The following SGCD variants were observed in gnomAD, a reference collection of about 807,000 sequenced individuals.
SGCD encodes sarcoglycan delta, also known as delta-sarcoglycan.
In SGCD, 18 loss-of-function variants were observed where a neutral mutation model predicts 36.6. The observed-to-expected ratio is 0.49, with a 90% CI of 0.34 to 0.73. SGCD has a LOEUF of 0.73. Among genes scored for constraint, SGCD ranks in the 30% least tolerant of loss-of-function variants. The pLI, the probability that SGCD is intolerant of heterozygous loss-of-function variation, is 0.01. For missense variants in SGCD, 387 were observed against 346.7 expected (o/e 1.12, Z -0.92); for synonymous variants, 133 against 130.6 (o/e 1.02, Z -0.12).
At chr5:156,229,297 T>TAA (rs757678815) in intron 3 of SGCD, among the ~76,000 whole-genome samples, 4 of 119,880 alleles carry the variant, frequency 3.3e-5, no homozygotes, top group Non-Finnish European at 5.1e-5. Context: ...TATATATATA[T>TAA]ATAAAATTAG....
intron 1 of SGCD, among the ~76,000 whole-genome samples, chr5:156,090,801 A>G (rs1231004893): frequency 6.6e-6 from 1 of 152,124 alleles, no homozygotes; most frequent in Non-Finnish European, 1.5e-5. Context: ...TTCCTTCCCC[A>G]GGGTTATCAA....
intron 3 of SGCD, among the ~76,000 whole-genome samples, chr5:156,208,972 C>T (rs137978715): frequency 7.5e-4 from 114 of 152,278 alleles, no homozygotes; most frequent in East Asian, 4.2e-3. Flanking sequence ...CATCACTCTT[C>T]TTCCAAAATC....
intron 1 of SGCD, among the ~76,000 whole-genome samples, chr5:156,100,964 G>A (rs1761504010): frequency 6.6e-6 from 1 of 152,092 alleles, no homozygotes; most frequent in Non-Finnish European, 1.5e-5. Context: ...ATTTGGAGGT[G>A]GGGACTCTGG....
upstream of SGCD, among the ~76,000 whole-genome samples, chr5:156,323,173 T>A (rs1470920279): frequency 2.6e-5 from 4 of 152,202 alleles, no homozygotes; most frequent in African/African-American, 9.6e-5. Flanking sequence ...GACTCCAGGT[T>A]ACTACCTCCA....
At chr5:155,778,606 C>G in the SGCD span, among the ~76,000 whole-genome samples, 2 of 124,924 alleles carry the variant, frequency 1.6e-5, no homozygotes, top group South Asian at 2.9e-4. Flanking sequence ...GGTTATAAGG[C>G]TACACGTTTA....
chr5:156,550,782 A>T (rs1422036775), intron 4 of SGCD, among the ~76,000 whole-genome samples: 5 of 152,240 alleles, frequency 3.3e-5, no homozygotes, highest in African/African-American at 1.2e-4. Context: ...TGTGCACAAA[A>T]GAAAGTCATT....
intron 4 of SGCD, among the ~76,000 whole-genome samples, chr5:156,527,794 C>A (rs913065497): frequency 6.6e-6 from 1 of 152,146 alleles, no homozygotes; most frequent in Non-Finnish European, 1.5e-5. Flanking sequence ...GTTGTCCTAC[C>A]CAACCAATCT....
chr5:156,388,586 A>C (rs1163013181), intron 3 of SGCD, among the ~76,000 whole-genome samples: 1 of 152,216 alleles, frequency 6.6e-6, no homozygotes, highest in Non-Finnish European at 1.5e-5. Context: ...GGCAGTCTGA[A>C]GACCCCAAAG....
At chr5:155,931,069 T>C (rs1359990018) in intron 1 of SGCD, among the ~76,000 whole-genome samples, 2 of 152,106 alleles carry the variant, frequency 1.3e-5, no homozygotes, top group South Asian at 2.1e-4. Context: ...GTTGCATGGG[T>C]TTTTTAATAT....
At chr5:156,644,831 C>A (rs2113576546) in intron 6 of SGCD, among the ~76,000 whole-genome samples, 1 of 152,084 alleles carries the variant, frequency 6.6e-6, no homozygotes, top group Admixed American at 6.6e-5. Flanking sequence ...CACTTTGAGT[C>A]AAAAGTATGA....
intron 7 of SGCD, among the ~76,000 whole-genome samples, chr5:156,684,598 C>T (rs1256063768): frequency 6.6e-6 from 1 of 152,188 alleles, no homozygotes; most frequent in Non-Finnish European, 1.5e-5. Flanking sequence ...TGTGAACCCC[C>T]AAACTGATTT....
chr5:156,576,030 C>A (rs1759930323), intron 4 of SGCD, among the ~76,000 whole-genome samples: 1 of 152,084 alleles, frequency 6.6e-6, no homozygotes, highest in Non-Finnish European at 1.5e-5. Flanking sequence ...ACCCATTAAC[C>A]TGTCATTTAC....
the SGCD span, among the ~76,000 whole-genome samples, chr5:155,808,835 G>A: frequency 4.6e-5 from 7 of 152,280 alleles, no homozygotes; most frequent in African/African-American, 1.7e-4. Flanking sequence ...GAAAGTGGAT[G>A]GTAGAAATGA....
chr5:156,223,454 G>A (rs1299770125), intron 3 of SGCD, among the ~76,000 whole-genome samples: 1 of 152,114 alleles, frequency 6.6e-6, no homozygotes, highest in Non-Finnish European at 1.5e-5. Flanking sequence ...TTACAATGGA[G>A]AATAGCGGAA....
At chr5:156,428,553 CTTG>C (rs1773777151) in intron 3 of SGCD, among the ~76,000 whole-genome samples, 1 of 151,584 alleles carries the variant, frequency 6.6e-6, no homozygotes, top group Admixed American at 6.6e-5. Context: ...TGCTCTGATC[CTTG>C]TTATTACTTT....
chr5:155,803,345 G>A, the SGCD span, among the ~76,000 whole-genome samples: 3 of 152,158 alleles, frequency 2.0e-5, no homozygotes, highest in Non-Finnish European at 4.4e-5. Context: ...ATGAGAATAC[G>A]GGCAGGGCTA....
intron 3 of SGCD, among the ~76,000 whole-genome samples, chr5:156,253,723 T>C (rs1458842618): frequency 1.3e-5 from 2 of 152,178 alleles, no homozygotes; most frequent in Non-Finnish European, 2.9e-5. Flanking sequence ...TGAAGTCAGT[T>C]AATTCAGTTA....
chr5:155,977,759 A>C (rs183491920), intron 1 of SGCD, among the ~76,000 whole-genome samples: 1 of 152,300 alleles, frequency 6.6e-6, no homozygotes, highest in East Asian at 1.9e-4. Flanking sequence ...AGGAACTGGA[A>C]GGTCATGGTG....
chr5:156,202,240 T>C (rs1764169645), intron 3 of SGCD, among the ~76,000 whole-genome samples: 1 of 152,188 alleles, frequency 6.6e-6, no homozygotes. Context: ...TGGATTATTA[T>C]TCTTTGACTC....
Sources: gnomAD v4.1 joint callset for allele counts (sites outside exome capture counted in the v4.1 genomes callset) on GRCh38, gnomAD v4.1.1 for gene constraint, MANE v1.5 for transcripts, NCBI Gene and HGNC (gene_info 2026-07-23, HGNC 2026-07-21) for gene names.